The following CYLD variants were observed in gnomAD, a reference collection of about 807,000 sequenced individuals.
CYLD encodes ubiquitin carboxyl-terminal hydrolase CYLD.
A neutral mutation model predicts 104.5 loss-of-function variants in CYLD; 26 were observed. That is an observed-to-expected ratio of 0.25 (90% confidence interval 0.18 to 0.35). The LOEUF is 0.35. CYLD is among the 10% of genes least tolerant of loss of function. CYLD has a pLI of 1.00. For synonymous variants in CYLD, 385 were observed against 399.9 expected, an observed-to-expected ratio of 0.96 and a Z score of 0.45; for missense variants, 703 against 1,136.1, an observed-to-expected ratio of 0.62 and a Z score of 5.48.
rs753052577 is a variant in CYLD at position 50,794,250 on chromosome 16, C to T, written c.2508C>T (p.Asn836=). 6.2e-7 allele frequency: 1 copy of T among 1,614,164 alleles called. No individual in the cohort carries two copies. The highest frequency in any genetic ancestry group is 1.1e-5 in the South Asian group (1 of 91,088). The change falls in exon 18 of 19, where the codon AAC becomes AAT. Residue 836 remains asparagine (N), a synonymous_variant. Transcript: ENST00000427738. This position sits in a 1 kb window ranked among gnomAD's most constrained non-coding sequence, Gnocchi z 4.1. ...CGAAGAGGCTGAATCATAAATATAA[C>T]CCAGTGTCACTTCCCAAAGACTTAC... The part of the protein sequence containing the change: ...LHPKRLNHKY[N]PVSLPKDLPD...
At chr16:50,791,745 C>A in intron 15 of CYLD, 55 bp downstream of exon 15, 1 of 1,581,764 alleles carries the variant, frequency 6.3e-7, no homozygotes, top group South Asian at 1.1e-5. Context: ...AGTCTTAAGA[C>A]TATTGGTAGT....
At chr16:50,744,063 C>T (rs1596946014) in intron 2 of CYLD, among the ~76,000 whole-genome samples, 1 of 152,068 alleles carries the variant, frequency 6.6e-6, no homozygotes, top group African/African-American at 2.4e-5. Context: ...CGTGTGGGCA[C>T]TGGATAATAT....
chr16:50,752,712 TTC>T (rs1368839139), intron 4 of CYLD, among the ~76,000 whole-genome samples: 1 of 152,210 alleles, frequency 6.6e-6, no homozygotes, highest in African/African-American at 2.4e-5. Context: ...TTCTTCTGAT[TTC>T]TCTGTCTGAA....
chr16:50,762,464 G>A (rs1968058683), intron 5 of CYLD, among the ~76,000 whole-genome samples: 1 of 151,658 alleles, frequency 6.6e-6, no homozygotes, highest in Non-Finnish European at 1.5e-5. Flanking sequence ...ATCTTTCTGA[G>A]CCCTGTCATT....
intron 5 of CYLD, among the ~76,000 whole-genome samples, chr16:50,756,259 A>C (rs753235847): frequency 2.6e-5 from 4 of 152,142 alleles, no homozygotes; most frequent in Non-Finnish European, 5.9e-5. Context: ...CCTTCCTGTT[A>C]ATTAGAAGGA....
chr16:50,780,978 G>A (rs1037064628), intron 9 of CYLD, among the ~76,000 whole-genome samples: 5 of 152,196 alleles, frequency 3.3e-5, no homozygotes, highest in African/African-American at 4.8e-5. Context: ...GGGAAAGCCC[G>A]TTTAACCAGG....
chr16:50,754,207 T>C, intron 4 of CYLD, 112 bp from the exon 5 acceptor site: 1 of 745,668 alleles, frequency 1.3e-6, no homozygotes, highest in South Asian at 1.6e-5. Flanking sequence ...TTAGGTAAAA[T>C]TGTTAACATT....
At chr16:50,745,050 A>T (rs1966056523) in intron 2 of CYLD, among the ~76,000 whole-genome samples, 1 of 152,228 alleles carries the variant, frequency 6.6e-6, no homozygotes, top group Non-Finnish European at 1.5e-5. Context: ...ATTTTCATTC[A>T]GTATTTATTA....
intron 5 of CYLD, among the ~76,000 whole-genome samples, chr16:50,774,890 G>A (rs530073927): frequency 1.1e-4 from 16 of 152,230 alleles, no homozygotes; most frequent in East Asian, 5.8e-4. Context: ...TCACTTGATC[G>A]AAATCGTGGT....
At position 50,779,247 on chromosome 16, in the gene CYLD, G is replaced by A. The variant is rs542357280; in HGVS notation, c.1139-418G>A. ...GTATTAATTTAGCCATGTTTCACAA[G>A]GATTCTTTCTTTCTTTGTTACTTTT... is the stretch of plus-strand genomic sequence containing the variant. On this transcript the variant is annotated intron_variant, in intron 8 of 18. Coordinates refer to ENST00000427738, the MANE Select transcript of CYLD (RefSeq NM_001378743.1). Among the ~76,000 whole-genome samples the A allele has an allele frequency of 5.9e-5, 9 of 152,068 alleles. 1 individual carries two copies. Among genetic ancestry groups the A allele is most frequent in the African/African-American group, 2.2e-4 (9 of 41,492 alleles).
chr16:50,751,682 G>T lies in CYLD; in HGVS notation c.583G>T (p.Val195Leu), dbSNP rs756244138. The T allele has an allele frequency of 1.2e-6, 2 of 1,613,770 alleles. No individual in the cohort carries two copies. The highest frequency in any genetic ancestry group is 1.7e-6 in the Non-Finnish European group (2 of 1,179,790). The change falls in exon 4 of 19, where the codon GTG becomes TTG. Residue 195 changes from valine to leucine, a missense_variant. Physicochemically the swap from Val to Leu is conservative, Grantham distance 32 (BLOSUM62 1). Coordinates refer to ENST00000427738, the MANE Select transcript of CYLD (RefSeq NM_001378743.1). ...TTTTCAGTGTGATGAAGATTGTGGC[G>T]TGTTTGTTGCATTGGACAAGCTAGA... Reference protein sequence around the residue: ...QLFQCDEDCGVFVALDKLELI... With the variant: ...QLFQCDEDCGLFVALDKLELI...
rs1230776078 is a variant in CYLD, at chr16:50,794,305, C to T, written c.2563C>T (p.Pro855Ser). 3.1e-6 allele frequency: 5 copies of T among 1,614,164 alleles called. No homozygotes were observed. The Admixed American group carries it at 8.3e-5, about 27-fold the overall frequency. The change falls in exon 18 of 19, where the codon CCT (proline) becomes TCT (serine). Residue 855 changes from proline (P) to serine (S), a missense_variant. Transcript: ENST00000427738. This position sits in a 1 kb window ranked among gnomAD's most constrained non-coding sequence, Gnocchi z 4.1. ...CTGGGACTGGAGACACGGCTGCATCCCTTGCCAGAATATGGAGTTATTTGC... is the reference window on the plus strand; with the variant it reads ...CTGGGACTGGAGACACGGCTGCATCTCTTGCCAGAATATGGAGTTATTTGC... ...PDWDWRHGCIPCQNMELFAVL... is the reference protein window; with the variant it reads ...PDWDWRHGCISCQNMELFAVL...
At position 50,749,557 on chromosome 16, in the gene CYLD, A is replaced by T; in HGVS notation, c.-123-19A>T. The T allele has an allele frequency of 1.2e-6, 1 of 813,786 alleles. No homozygotes were observed. 50.4% of individuals were successfully genotyped at this position (813,786 alleles called of 1,614,324 possible). Reference sequence around the variant, plus strand: ...TTTTGCTTTTTCACTAGGCATTTTGATTTCCTTTCTTTTTACAGCATGGAC... The same window carrying T: ...TTTTGCTTTTTCACTAGGCATTTTGTTTTCCTTTCTTTTTACAGCATGGAC... On this transcript the variant is annotated intron_variant, in intron 2 of 18. Coordinates refer to ENST00000427738, the MANE Select transcript of CYLD (RefSeq NM_001378743.1).
chr16:50,755,925 G>A (rs993698707), intron 5 of CYLD, among the ~76,000 whole-genome samples: 2 of 152,082 alleles, frequency 1.3e-5, no homozygotes, highest in African/African-American at 4.8e-5. Context: ...TGGTCATGAA[G>A]TCTTTGCTTA....
At chr16:50,752,640 C>T (rs989803006) in intron 4 of CYLD, among the ~76,000 whole-genome samples, 13 of 152,252 alleles carry the variant, frequency 8.5e-5, no homozygotes, top group South Asian at 2.1e-4. Context: ...CATCCCAAAC[C>T]GAAACTCTGT....
At chr16:50,791,520 A>T in intron 14 of CYLD, 38 bp from the exon 15 acceptor site, 2 of 1,611,444 alleles carry the variant, frequency 1.2e-6, no homozygotes, top group Non-Finnish European at 1.7e-6. Context: ...GCATTTGATA[A>T]ATAGGTTGTA....
rs184788345 is a variant in CYLD at position 50,782,167 on chromosome 16, T to A, written c.1685-158T>A. Among the ~76,000 whole-genome samples, 459 of 152,272 alleles carry A rather than the reference T, an allele frequency of 3.0e-3. 2 individuals are homozygous for A. The highest frequency in any genetic ancestry group is 5.5e-3 in the Non-Finnish European group (374 of 67,998). The stretch of plus-strand genomic sequence containing the variant: ...ACAATAGCAATTTTTATAAGCCAAG[T>A]CAAATAGCAGTTAACCAAAGCCTAC... On this transcript the variant is annotated intron_variant, in intron 10 of 18. Coordinates refer to ENST00000427738, the MANE Select transcript of CYLD (RefSeq NM_001378743.1).
intron 1 of CYLD, 101 bp from the exon 2 acceptor site, chr16:50,742,661 G>A: frequency 2.5e-6 from 1 of 395,418 alleles, no homozygotes; most frequent in Non-Finnish European, 4.5e-6. Flanking sequence ...GCGCCGCGGG[G>A]CGTACGTACC....
chr16:50,780,332 A>T lies in CYLD; in HGVS notation c.1518+288A>T, dbSNP rs141632762. Among the ~76,000 whole-genome samples, 62 of 152,300 alleles carry T rather than the reference A, an allele frequency of 4.1e-4. No homozygotes were observed. The East Asian group carries it at 8.3e-3, about 20-fold the overall frequency. ...ATTTAGTAAATCAAGCAAATTTGCC[A>T]TCAGCTTTTCTCTTTCTTCTTCAGC... On this transcript the variant is annotated intron_variant, in intron 9 of 18. Coordinates refer to ENST00000427738, the MANE Select transcript of CYLD (RefSeq NM_001378743.1).
Sources: gnomAD v4.1 joint callset for allele counts (sites outside exome capture counted in the v4.1 genomes callset) on GRCh38, gnomAD v4.1.1 for gene constraint, Gnocchi (gnomAD v3.1) non-coding constraint, MANE v1.5 for transcripts, NCBI Gene and HGNC (gene_info 2026-07-23, HGNC 2026-07-21) for gene names.